Variants in RBFOX1 observed in about 807,000 individuals in gnomAD.
RBFOX1 encodes the protein RNA binding fox-1 homolog 1.
RBFOX1 carries 8 observed loss-of-function variants against 57.7 expected under a neutral mutation model. The observed-to-expected ratio is 0.14, with a 90% CI of 0.08 to 0.25. The LOEUF (loss-of-function observed/expected upper bound fraction) is 0.25. RBFOX1 is among the 10% of genes least tolerant of loss of function. The pLI is 1.00. For missense variants in RBFOX1, 611 were observed against 548.5 expected, an observed-to-expected ratio of 1.11 and a Z score of -1.14; for synonymous variants, 326 against 222.4, an observed-to-expected ratio of 1.47 and a Z score of -4.15.
chr16:7,289,851 G>A (rs2095730188), intron 4 of RBFOX1, among the ~76,000 whole-genome samples: 1 of 152,152 alleles, frequency 6.6e-6, no homozygotes, highest in Non-Finnish European at 1.5e-5. Context: ...TAAATAACTT[G>A]CCAAAAGCCA....
chr16:7,612,625 A>T (rs1311504593), intron 10 of RBFOX1, among the ~76,000 whole-genome samples: 5 of 151,900 alleles, frequency 3.3e-5, no homozygotes, highest in East Asian at 1.9e-4. Context: ...ATATATATAT[A>T]TTTTTAAAAG....
At chr16:6,484,393 G>C (rs1024748893) in intron 2 of RBFOX1, among the ~76,000 whole-genome samples, 6 of 152,142 alleles carry the variant, frequency 3.9e-5, no homozygotes, top group African/African-American at 1.4e-4. Context: ...TGTTTCCCAT[G>C]GAAGAGAGAT....
chr16:7,108,059 C>G (rs948011114), intron 4 of RBFOX1, among the ~76,000 whole-genome samples: 2 of 152,060 alleles, frequency 1.3e-5, no homozygotes, highest in African/African-American at 4.8e-5. Context: ...ATGAATCAAG[C>G]AAAGATGCTG....
rs1567187653 is a variant in RBFOX1 at position 5,955,331 on chromosome 16, TAAAATAAAATAAAATAAAATAAATAAAAA to T, written c.351+87997_351+88025del. Among the ~76,000 whole-genome samples the T allele has an allele frequency of 3.0e-3, 138 of 45,762 alleles. 8 individuals are homozygous for T. Among genetic ancestry groups the T allele is most frequent in the East Asian group, 8.0e-3 (15 of 1,868 alleles). 30.0% of individuals were successfully genotyped at this position (45,762 alleles called of 152,430 possible). On this transcript the variant is annotated intron_variant, in intron 4 of 19. Transcript: ENST00000641259. ...TAAAATAAAATAAAATAAAATAAAA[TAAAATAAAATAAAATAAAATAAATAAAAA>T]TAAAATAAAATAAAATAAAATAAAA...
At chr16:6,135,652 A>C (rs957408910) in intron 1 of RBFOX1, among the ~76,000 whole-genome samples, 2 of 152,158 alleles carry the variant, frequency 1.3e-5, no homozygotes, top group Admixed American at 1.3e-4. Flanking sequence ...CTGAAAAAAA[A>C]CCATGAACAC....
At chr16:6,800,215 T>G (rs995126958) in intron 3 of RBFOX1, among the ~76,000 whole-genome samples, 2 of 145,886 alleles carry the variant, frequency 1.4e-5, no homozygotes, top group Non-Finnish European at 2.9e-5. Flanking sequence ...TTTTCCTGCC[T>G]CATAACCATG....
At chr16:7,241,817 A>G (rs1001873971) in intron 4 of RBFOX1, among the ~76,000 whole-genome samples, 1 of 137,970 alleles carries the variant, frequency 7.2e-6, no homozygotes, top group Non-Finnish European at 1.6e-5. Context: ...TCACATATAC[A>G]TATATGTTTA....
At chr16:7,447,713 C>T (rs966690508) in intron 4 of RBFOX1, among the ~76,000 whole-genome samples, 1 of 152,194 alleles carries the variant, frequency 6.6e-6, no homozygotes. Context: ...TCTCACTATC[C>T]TCTTCTTTTA....
intron 3 of RBFOX1, among the ~76,000 whole-genome samples, chr16:7,021,922 T>C (rs2039285041): frequency 6.7e-6 from 1 of 149,324 alleles, no homozygotes; most frequent in Admixed American, 6.7e-5. Flanking sequence ...CTTTTCTTTC[T>C]TTCTTTATTT....
At chr16:5,944,262 A>G (rs1371261082) in intron 4 of RBFOX1, among the ~76,000 whole-genome samples, 1 of 152,254 alleles carries the variant, frequency 6.6e-6, no homozygotes, top group Non-Finnish European at 1.5e-5. Flanking sequence ...TGTAAGTTCA[A>G]TCTTGGTTGC....
At chr16:7,628,463 G>T (rs2060422830) in intron 10 of RBFOX1, among the ~76,000 whole-genome samples, 1 of 152,070 alleles carries the variant, frequency 6.6e-6, no homozygotes, top group South Asian at 2.1e-4. Flanking sequence ...GTCTTTCCTG[G>T]TAGGTAGCTT....
At chr16:7,686,462 T>C (rs762292404) in intron 14 of RBFOX1, among the ~76,000 whole-genome samples, 9 of 152,066 alleles carry the variant, frequency 5.9e-5, no homozygotes, top group African/African-American at 1.7e-4. Flanking sequence ...AATCTCCCAG[T>C]ATAAACCCAG....
chr16:7,131,128 T>A (rs1248781341), intron 4 of RBFOX1, among the ~76,000 whole-genome samples: 1 of 152,046 alleles, frequency 6.6e-6, no homozygotes, highest in Non-Finnish European at 1.5e-5. Flanking sequence ...GCAGATCACA[T>A]GAGGCCAGGA....
intron 3 of RBFOX1, among the ~76,000 whole-genome samples, chr16:6,780,736 A>G (rs1017017234): frequency 2.0e-5 from 3 of 150,970 alleles, no homozygotes; most frequent in Non-Finnish European, 4.4e-5. Flanking sequence ...GCATTTCTCT[A>G]ATGATTAGTG....
At chr16:7,610,030 A>G (rs1215154018) in intron 10 of RBFOX1, among the ~76,000 whole-genome samples, 1 of 144,928 alleles carries the variant, frequency 6.9e-6, no homozygotes, top group Non-Finnish European at 1.5e-5. Context: ...GTTAGCCAGG[A>G]TGGTCTCCAT....
chr16:7,690,930 C>G (rs1186095808), intron 14 of RBFOX1, among the ~76,000 whole-genome samples: 1 of 152,076 alleles, frequency 6.6e-6, no homozygotes, highest in Non-Finnish European at 1.5e-5. Context: ...TGCAGGCCAC[C>G]AAAGCCAATC....
chr16:6,775,139 C>G (rs868513858), intron 3 of RBFOX1, among the ~76,000 whole-genome samples: 1 of 139,224 alleles, frequency 7.2e-6, no homozygotes, highest in Admixed American at 7.4e-5. Context: ...TCCTGGCGAA[C>G]ATGGTGAAAC....
At chr16:7,327,143 C>A (rs1401121756) in intron 4 of RBFOX1, among the ~76,000 whole-genome samples, 1 of 152,096 alleles carries the variant, frequency 6.6e-6, no homozygotes, top group Non-Finnish European at 1.5e-5. Context: ...GCAGGGACAA[C>A]TTTGCAGAAG....
chr16:6,742,958 C>T (rs762044990), intron 3 of RBFOX1, among the ~76,000 whole-genome samples: 7 of 152,084 alleles, frequency 4.6e-5, no homozygotes, highest in Non-Finnish European at 1.0e-4. Context: ...CTTATACAAA[C>T]ACACTTTATC....
Sources: allele counts gnomAD v4.1 joint callset (sites outside exome capture counted in the v4.1 genomes callset), GRCh38; gene constraint gnomAD v4.1.1; transcripts MANE v1.5; gene names NCBI Gene and HGNC (gene_info 2026-07-23, HGNC 2026-07-21).